The following GLIPR1L1 variants were observed in gnomAD, a reference collection of about 807,000 sequenced individuals.
GLIPR1L1 encodes GLIPR1-like protein 1.
Under a neutral mutation model 29.9 loss-of-function variants are expected in GLIPR1L1, and 26 were observed. The ratio of observed to expected loss-of-function variants is 0.87; its 90% CI spans 0.64 to 1.21. The LOEUF is 1.21. Ranked by LOEUF, GLIPR1L1 falls within the 50% of genes most tolerant of loss-of-function variation. The pLI is 0.00. For synonymous variants in GLIPR1L1, 77 were observed against 97.5 expected (o/e 0.79, Z 1.24); for missense variants, 305 against 290.3 (o/e 1.05, Z -0.37).
In GLIPR1L1 at chr12:75,363,091, CT is replaced by C; in HGVS notation, c.522-5del. Reference sequence around the variant, plus strand: ...AGCCATTTGGCTAATCAATGTTTCTCTTTTTTACAGAGGAAATTTTGCAAAT... The same window carrying C: ...AGCCATTTGGCTAATCAATGTTTCTCTTTTTACAGAGGAAATTTTGCAAAT... On this transcript the variant is annotated splice_polypyrimidine_tract_variant and intron_variant, in intron 3 of 5. Coordinates refer to ENST00000378695, the MANE Select transcript of GLIPR1L1 (RefSeq NM_001304964.2). 3 of 1,483,908 alleles carry C rather than the reference CT, an allele frequency of 2.0e-6. No homozygotes were observed. The highest frequency in any genetic ancestry group is 1.4e-5 in the African/African-American group (1 of 69,840). The allele number at this position is 1,483,908 out of a possible 1,614,324, so 91.9% of individuals were successfully genotyped here.
intron 1 of GLIPR1L1, among the ~76,000 whole-genome samples, chr12:75,341,210 T>C (rs1363134649): frequency 6.6e-6 from 1 of 152,216 alleles, no homozygotes; most frequent in Non-Finnish European, 1.5e-5. Context: ...AGGAGTTTAG[T>C]GACTCTATAC....
intron 1 of GLIPR1L1, among the ~76,000 whole-genome samples, chr12:75,339,085 T>A (rs183977368): frequency 5.4e-4 from 83 of 152,336 alleles, no homozygotes; most frequent in African/African-American, 1.9e-3. Flanking sequence ...ATGCTTATAA[T>A]AGAATGATCT....
intron 3 of GLIPR1L1, among the ~76,000 whole-genome samples, chr12:75,359,614 G>A (rs1419786852): frequency 6.6e-6 from 1 of 151,884 alleles, no homozygotes; most frequent in Non-Finnish European, 1.5e-5. Context: ...CAACATTGTG[G>A]TATTTGCATA....
chr12:75,352,477 A>C (rs1016328745), intron 3 of GLIPR1L1, among the ~76,000 whole-genome samples: 3 of 152,250 alleles, frequency 2.0e-5, no homozygotes, highest in Non-Finnish European at 2.9e-5. Context: ...TATGCACCCA[A>C]TACAGGAGCA....
intron 3 of GLIPR1L1, chr12:75,360,087 G>C (rs982230374): frequency 3.3e-5 from 5 of 151,990 alleles, no homozygotes; most frequent in Non-Finnish European, 7.4e-5. Flanking sequence ...AACAGCATGG[G>C]GGAAACTGCC....
chr12:75,354,000 A>G (rs998851399), intron 3 of GLIPR1L1, among the ~76,000 whole-genome samples: 9 of 152,176 alleles, frequency 5.9e-5, no homozygotes, highest in Non-Finnish European at 1.3e-4. Context: ...ACATCAAAAA[A>G]TAAGAGCCAT....
Position 75,361,166 on chromosome 12 carries a change from G to T in GLIPR1L1, c.522-1936G>T, listed in dbSNP as rs186211784. 5 of 152,220 alleles carry T rather than the reference G, an allele frequency of 3.3e-5. No individual in the cohort carries two copies. The East Asian group carries it at 9.7e-4, about 29-fold the overall frequency. 9.4% of individuals were successfully genotyped at this position (152,220 alleles called of 1,614,324 possible). On this transcript the variant is annotated intron_variant, in intron 3 of 5. Transcript: ENST00000378695. ...CTGGGGCTCTTTATGGACTCAGAAT[G>T]AAGAGTGTGTGCTGATTGGTCTGTT...
chr12:75,335,242 C>A (rs894296005), intron 1 of GLIPR1L1, among the ~76,000 whole-genome samples: 1 of 152,006 alleles, frequency 6.6e-6, no homozygotes, highest in Non-Finnish European at 1.5e-5. Flanking sequence ...TTCCACCCCC[C>A]ACAACCAAGA....
intron 2 of GLIPR1L1, among the ~76,000 whole-genome samples, chr12:75,344,756 T>C (rs1369395655): frequency 6.6e-6 from 1 of 152,152 alleles, no homozygotes; most frequent in Non-Finnish European, 1.5e-5. Context: ...GCTGTCTTTT[T>C]GGGTACAGCT....
chr12:75,353,585 C>G (rs910053964), intron 3 of GLIPR1L1, among the ~76,000 whole-genome samples: 2 of 152,098 alleles, frequency 1.3e-5, no homozygotes, highest in African/African-American at 2.4e-5. Context: ...AGCTGATACC[C>G]TTTCTTCTGA....
At chr12:75,356,026 G>T (rs1181119625) in intron 3 of GLIPR1L1, among the ~76,000 whole-genome samples, 1 of 152,118 alleles carries the variant, frequency 6.6e-6, no homozygotes, top group Non-Finnish European at 1.5e-5. Context: ...GCTAACGCAT[G>T]CTGGGCTTAA....
Position 75,334,864 on chromosome 12 carries a change from G to A in GLIPR1L1, c.136G>A (p.Gly46Ser), listed in dbSNP as rs151273008. ...CATAGAAGCCCACAACGAATGGCGTGGCAAAGTCAACCCTCCCGCGGCCGA... is the reference window on the plus strand; with the variant it reads ...CATAGAAGCCCACAACGAATGGCGTAGCAAAGTCAACCCTCCCGCGGCCGA... ...NCIEAHNEWR[G>S]KVNPPAADMK... The change falls in exon 1 of 6, where the codon GGC becomes AGC. Residue 46 changes from glycine to serine, a missense_variant. Coordinates refer to ENST00000378695, the MANE Select transcript of GLIPR1L1 (RefSeq NM_001304964.2). 5.9e-5 allele frequency: 95 copies of A among 1,614,086 alleles called. No individual in the cohort carries two copies. The African/African-American group carries it at 1.1e-3, about 18-fold the overall frequency.
intron 1 of GLIPR1L1, among the ~76,000 whole-genome samples, chr12:75,341,160 A>G (rs894761807): frequency 6.6e-6 from 1 of 152,186 alleles, no homozygotes; most frequent in Non-Finnish European, 1.5e-5. Context: ...CCTGCTCACA[A>G]ATATTTATGG....
intron 1 of GLIPR1L1, among the ~76,000 whole-genome samples, chr12:75,338,422 A>C (rs1225022991): frequency 6.6e-6 from 1 of 152,150 alleles, no homozygotes; most frequent in East Asian, 1.9e-4. Context: ...GCCACTCTTC[A>C]TAGATTCAAT....
intron 1 of GLIPR1L1, among the ~76,000 whole-genome samples, chr12:75,336,858 A>T (rs2041770711): frequency 6.6e-6 from 1 of 151,820 alleles, no homozygotes; most frequent in Non-Finnish European, 1.5e-5. Context: ...ATCAATATAA[A>T]CAATATGCTG....
At chr12:75,338,285 C>G (rs542165885) in intron 1 of GLIPR1L1, among the ~76,000 whole-genome samples, 4 of 152,166 alleles carry the variant, frequency 2.6e-5, no homozygotes, top group African/African-American at 9.6e-5. Flanking sequence ...TGAATTAGGA[C>G]TTGAAAATTA....
intron 3 of GLIPR1L1, among the ~76,000 whole-genome samples, chr12:75,355,202 G>C (rs564081383): frequency 3.0e-4 from 46 of 152,184 alleles, no homozygotes; most frequent in African/African-American, 1.1e-3. Flanking sequence ...AACCTACAGA[G>C]TGGGAGAAAA....
At chr12:75,349,377 C>T (rs1035772789) in intron 3 of GLIPR1L1, among the ~76,000 whole-genome samples, 9 of 152,186 alleles carry the variant, frequency 5.9e-5, no homozygotes, top group African/African-American at 2.2e-4. Flanking sequence ...ACAACAACAA[C>T]AGCAAAAAAA....
At chr12:75,341,607 C>G (rs1331076963) in intron 1 of GLIPR1L1, among the ~76,000 whole-genome samples, 2 of 151,840 alleles carry the variant, frequency 1.3e-5, no homozygotes, top group African/African-American at 4.8e-5. Context: ...CCACCACGCC[C>G]GCAGAATTTT....
Sources: gnomAD v4.1 joint callset for allele counts (sites outside exome capture counted in the v4.1 genomes callset) on GRCh38, gnomAD v4.1.1 for gene constraint, MANE v1.5 for transcripts, NCBI Gene and HGNC (gene_info 2026-07-23, HGNC 2026-07-21) for gene names.